Variants in ST7 observed in about 807,000 individuals in gnomAD.
ST7 encodes suppression of tumorigenicity 7.
Under a neutral mutation model 78.7 loss-of-function variants are expected in ST7, and 28 were observed. The observed-to-expected ratio is 0.36, with a 90% CI of 0.26 to 0.49. The LOEUF is 0.49. ST7 is among the 20% of genes least tolerant of loss of function. The pLI is 0.99. For missense variants in ST7, 418 were observed against 696.0 expected (o/e 0.60, Z 4.49); for synonymous variants, 247 against 249.6 (o/e 0.99, Z 0.10).
intron 1 of ST7, among the ~76,000 whole-genome samples, chr7:117,095,993 G>A (rs189212897): frequency 2.1e-3 from 309 of 147,202 alleles, no homozygotes; most frequent in Non-Finnish European, 3.4e-3. Context: ...ACTTGAACCC[G>A]GGAGGTAGAG....
At chr7:117,057,870 C>T (rs1308291186) in intron 1 of ST7, among the ~76,000 whole-genome samples, 2 of 152,030 alleles carry the variant, frequency 1.3e-5, no homozygotes, top group African/African-American at 4.8e-5. Flanking sequence ...ATCAAAATCC[C>T]TTTCTATTTT....
chr7:117,171,048 G>T, intron 10 of ST7, 72 bp downstream of exon 10: 1 of 951,634 alleles, frequency 1.1e-6, no homozygotes, highest in Non-Finnish European at 1.5e-6. Flanking sequence ...AGATTAGAAG[G>T]GTCATTTCAA....
At chr7:117,020,696 A>C in intron 1 of ST7, 1 of 1,545,832 alleles carries the variant, frequency 6.5e-7, no homozygotes, top group Admixed American at 2.0e-5. Context: ...TCATTGGCTT[A>C]GAGTTCATAT....
intron 12 of ST7, among the ~76,000 whole-genome samples, chr7:117,199,318 T>C (rs773677818): frequency 2.0e-5 from 3 of 152,074 alleles, no homozygotes; most frequent in Non-Finnish European, 4.4e-5. Flanking sequence ...GTTGCTTATA[T>C]CTCCTTCCTC....
At chr7:117,052,064 G>C (rs1254431295) in intron 1 of ST7, among the ~76,000 whole-genome samples, 1 of 152,146 alleles carries the variant, frequency 6.6e-6, no homozygotes, top group East Asian at 1.9e-4. Context: ...AATTTATGCA[G>C]TGTTCTCAAG....
chr7:117,222,919 T>G, intron 15 of ST7: 1 of 1,614,148 alleles, frequency 6.2e-7, no homozygotes, highest in Non-Finnish European at 8.5e-7. Context: ...AGTATTTTCA[T>G]GCGTGTTGAA....
intron 12 of ST7, among the ~76,000 whole-genome samples, chr7:117,202,526 A>T (rs1218834097): frequency 6.6e-6 from 1 of 151,970 alleles, no homozygotes; most frequent in African/African-American, 2.4e-5. Context: ...AAAATTTGTC[A>T]CCTTCGGTTC....
At chr7:116,968,301 T>C (rs62470790) in intron 1 of ST7, 83 of 3,680 alleles carry the variant, frequency 0.023, 9 homozygotes, top group African/African-American at 0.038. Flanking sequence ...CCCTCCTTCC[T>C]TCCTTCCTTC....
At chr7:117,168,297 A>C (rs1185726975) in intron 9 of ST7, among the ~76,000 whole-genome samples, 1 of 152,186 alleles carries the variant, frequency 6.6e-6, no homozygotes, top group Non-Finnish European at 1.5e-5. Flanking sequence ...GAGTTTTAGT[A>C]AGACTCAGTT....
chr7:117,020,560 TCCC>T (rs1584464438), intron 1 of ST7: 1 of 1,543,420 alleles, frequency 6.5e-7, no homozygotes. Flanking sequence ...CTTTTTTTTT[TCCC>T]TTTTCTTTCT....
intron 9 of ST7, among the ~76,000 whole-genome samples, chr7:117,159,111 T>C (rs1168141386): frequency 6.6e-6 from 1 of 152,158 alleles, no homozygotes; most frequent in African/African-American, 2.4e-5. Context: ...CAAATCAAAC[T>C]TGAAAGGTTT....
chr7:117,198,296 C>T (rs1810500361), intron 12 of ST7: 2 of 455,942 alleles, frequency 4.4e-6, no homozygotes, highest in African/African-American at 4.0e-5. Flanking sequence ...CTTTTTACCT[C>T]CCGTTCTATT....
chr7:117,176,112 A>G (rs1476746893), intron 10 of ST7, among the ~76,000 whole-genome samples: 9 of 152,184 alleles, frequency 5.9e-5, no homozygotes, highest in African/African-American at 2.4e-5. Flanking sequence ...CCTCTGAACA[A>G]TTTGTCCTAA....
intron 1 of ST7, among the ~76,000 whole-genome samples, chr7:116,968,976 G>T (rs1029901225): frequency 1.4e-4 from 22 of 152,284 alleles, no homozygotes; most frequent in Middle Eastern, 3.4e-3. Context: ...TATTTTACCT[G>T]TATAGAAAGG....
chr7:117,060,332 A>T (rs1798286106), intron 1 of ST7, among the ~76,000 whole-genome samples: 1 of 152,230 alleles, frequency 6.6e-6, no homozygotes. Flanking sequence ...GCAGAATATC[A>T]GGTAACTCAT....
intron 1 of ST7, among the ~76,000 whole-genome samples, chr7:116,990,346 A>G (rs751592537): frequency 5.9e-5 from 9 of 152,010 alleles, no homozygotes; most frequent in Non-Finnish European, 1.3e-4. Context: ...TTTTCTTTCT[A>G]TTCTGGGTAA....
chr7:117,165,947 A>G (rs964398308), intron 9 of ST7, among the ~76,000 whole-genome samples: 3 of 152,162 alleles, frequency 2.0e-5, no homozygotes, highest in Non-Finnish European at 4.4e-5. Flanking sequence ...CATATTAGAC[A>G]GGGACTTGTC....
rs1443366273 is a variant in ST7, at chr7:117,190,807, G to A, written c.1152-27G>A. The A allele has an allele frequency of 1.2e-6, 2 of 1,603,038 alleles. No homozygotes were observed. The highest frequency in any genetic ancestry group is 1.7e-5 in the Admixed American group (1 of 59,992). On this transcript the variant is annotated intron_variant, in intron 11 of 15. Transcript: ENST00000323984. This position sits in a 1 kb window ranked among gnomAD's most constrained non-coding sequence, Gnocchi z 5.2. ...GATGCCCAAGCAGTGGTCCCACCTG[G>A]ATGGTTTTTGTCTTTCTGCTTTTCA... is the stretch of plus-strand genomic sequence containing the variant.
intron 10 of ST7, among the ~76,000 whole-genome samples, chr7:117,173,159 T>C (rs1318590099): frequency 1.3e-5 from 2 of 152,140 alleles, no homozygotes; most frequent in Admixed American, 1.3e-4. Context: ...GTGTTGAGCT[T>C]TGTTTATGTT....
Sources: allele counts gnomAD v4.1 joint callset (sites outside exome capture counted in the v4.1 genomes callset), GRCh38; gene constraint gnomAD v4.1.1; non-coding constraint Gnocchi (gnomAD v3.1); transcripts MANE v1.5; gene names NCBI Gene and HGNC (gene_info 2026-07-23, HGNC 2026-07-21).